The following MYO10 variants were observed in gnomAD, a reference collection of about 807,000 sequenced individuals.
The protein encoded by MYO10 is myosin X, also known as unconventional myosin-X.
MYO10 carries 133 observed loss-of-function variants against 257.3 expected under a neutral mutation model. The observed-to-expected ratio is 0.52, with a 90% CI of 0.45 to 0.60. MYO10 has a LOEUF of 0.60. Among genes scored for constraint, MYO10 ranks in the 20% least tolerant of loss-of-function variants. The pLI is 0.00. For synonymous variants in MYO10, 1,104 were observed against 1,028.6 expected (o/e 1.07, Z -1.40); for missense variants, 2,399 against 2,635.7 (o/e 0.91, Z 1.97).
At chr5:16,879,428 A>G (rs1744697724) in intron 1 of MYO10, among the ~76,000 whole-genome samples, 1 of 152,234 alleles carries the variant, frequency 6.6e-6, no homozygotes, top group African/African-American at 2.4e-5. Flanking sequence ...GTGCCAATCA[A>G]TAGCAAACAT....
intron 30 of MYO10, among the ~76,000 whole-genome samples, chr5:16,683,098 G>A (rs1313271407): frequency 6.6e-6 from 1 of 152,156 alleles, no homozygotes; most frequent in Non-Finnish European, 1.5e-5. Context: ...GTTCAGAAGG[G>A]CTCTTGTCAA....
intron 19 of MYO10, chr5:16,741,796 A>T (rs1560959678): frequency 9.1e-6 from 9 of 985,222 alleles, no homozygotes; most frequent in Non-Finnish European, 9.6e-6. Flanking sequence ...AAAGAGAAAA[A>T]TCCCTACCTT....
intron 19 of MYO10, among the ~76,000 whole-genome samples, chr5:16,713,846 G>A (rs986454319): frequency 2.6e-5 from 4 of 152,140 alleles, no homozygotes; most frequent in African/African-American, 7.2e-5. Context: ...CTGCTACTGC[G>A]CTGCCTCCAC....
chr5:16,729,474 C>T (rs191594982), intron 19 of MYO10, among the ~76,000 whole-genome samples: 2 of 145,296 alleles, frequency 1.4e-5, no homozygotes, highest in Non-Finnish European at 3.0e-5. Flanking sequence ...TTTTTTGAGA[C>T]GGAGTCTCAC....
intron 2 of MYO10, among the ~76,000 whole-genome samples, chr5:16,843,686 T>C (rs1743550192): frequency 6.6e-6 from 1 of 152,220 alleles, no homozygotes; most frequent in Non-Finnish European, 1.5e-5. Flanking sequence ...AATGAAACAG[T>C]ATTTTTAAAT....
chr5:16,717,727 T>C (rs1480127480), intron 19 of MYO10, among the ~76,000 whole-genome samples: 1 of 77,538 alleles, frequency 1.3e-5, no homozygotes, highest in African/African-American at 4.7e-5. Context: ...AATTCAACTG[T>C]TCTTTGACCC....
chr5:16,702,237 G>GAA (rs1738113415), intron 24 of MYO10, among the ~76,000 whole-genome samples: 1 of 152,228 alleles, frequency 6.6e-6, no homozygotes, highest in African/African-American at 2.4e-5. Context: ...AGAGCTGGGA[G>GAA]AAAATCAGTT....
intron 19 of MYO10, among the ~76,000 whole-genome samples, chr5:16,731,944 G>A (rs967042167): frequency 5.9e-5 from 9 of 152,216 alleles, no homozygotes; most frequent in African/African-American, 1.9e-4. Context: ...AAGGCTGAGT[G>A]ATAAACCAAG....
chr5:16,893,196 C>CAAACAAAAAAAA (rs538239809), intron 1 of MYO10, among the ~76,000 whole-genome samples: 1 of 69,572 alleles, frequency 1.4e-5, no homozygotes. Context: ...GACTCTGTCT[C>CAAACAAAAAAAA]AAAAAAAAAA....
chr5:16,903,233 T>C (rs1367839715), intron 1 of MYO10, among the ~76,000 whole-genome samples: 1 of 152,190 alleles, frequency 6.6e-6, no homozygotes, highest in Non-Finnish European at 1.5e-5. Flanking sequence ...GGTGAAACCC[T>C]GTCTCTACTA....
chr5:16,676,466 C>T (rs1736727570), intron 33 of MYO10, among the ~76,000 whole-genome samples: 1 of 152,154 alleles, frequency 6.6e-6, no homozygotes, highest in African/African-American at 2.4e-5. Context: ...CCTGTAATCC[C>T]CGCATTTTGG....
chr5:16,796,995 A>AACC (rs1741992101), intron 3 of MYO10, among the ~76,000 whole-genome samples: 1 of 151,856 alleles, frequency 6.6e-6, no homozygotes, highest in Non-Finnish European at 1.5e-5. Flanking sequence ...AACAAAAAAC[A>AACC]AGAAAACTAG....
At chr5:16,756,918 T>A (rs1298072349) in intron 18 of MYO10, among the ~76,000 whole-genome samples, 2 of 151,832 alleles carry the variant, frequency 1.3e-5, no homozygotes, top group African/African-American at 2.4e-5. Context: ...CTGGGCAACA[T>A]AATAAGACCC....
chr5:16,800,135 C>T (rs974415990), intron 3 of MYO10, among the ~76,000 whole-genome samples: 12 of 152,184 alleles, frequency 7.9e-5, no homozygotes, highest in Non-Finnish European at 1.8e-4. Context: ...GGTGGTTGCA[C>T]ACTTTTCCTA....
intron 3 of MYO10, among the ~76,000 whole-genome samples, chr5:16,799,070 T>C (rs1203623922): frequency 6.6e-6 from 1 of 152,230 alleles, no homozygotes; most frequent in African/African-American, 2.4e-5. Flanking sequence ...AGATGAGCCT[T>C]TCTTTCTTAA....
chr5:16,767,521 A>G (rs1479715852), intron 10 of MYO10, among the ~76,000 whole-genome samples: 1 of 152,154 alleles, frequency 6.6e-6, no homozygotes, highest in African/African-American at 2.4e-5. Flanking sequence ...TTGCAAAAAG[A>G]TAAGACAATG....
chr5:16,701,697 G>C lies in MYO10; in HGVS notation c.2698C>G (p.Leu900Val), dbSNP rs375118052. ...TCCTGCTGCTCCTTCATGCGCTGCA[G>C]GTCCTCGATTTCTTTCTCCAGACGG... ...ILRLEKEIEDLQRMKEQQELS... is the reference protein window; with the variant it reads ...ILRLEKEIEDVQRMKEQQELS... Residue 900 changes from leucine to valine, a missense_variant, in exon 25 of 41, where the codon CTG (leucine) becomes GTG (valine). By Grantham distance (32) the Leu-to-Val change is conservative. Transcript: ENST00000513610. This position sits in a 1 kb window ranked among gnomAD's most constrained non-coding sequence, Gnocchi z 8.1. 1 of 1,614,004 alleles carries C rather than the reference G, an allele frequency of 6.2e-7. No individual in the cohort carries two copies. The highest frequency in any genetic ancestry group is 1.3e-5 in the African/African-American group (1 of 75,058).
intron 26 of MYO10, among the ~76,000 whole-genome samples, 195 bp from the exon 27 acceptor site, chr5:16,694,809 A>G (rs1280699672): frequency 2.0e-5 from 3 of 152,212 alleles, no homozygotes; most frequent in Non-Finnish European, 4.4e-5. Context: ...CACACCAGCC[A>G]GGCTGGATTA....
chr5:16,719,137 C>T (rs890236914), intron 19 of MYO10, among the ~76,000 whole-genome samples: 6 of 151,742 alleles, frequency 4.0e-5, no homozygotes, highest in Non-Finnish European at 5.9e-5. Context: ...ACACTCACCA[C>T]GAAGATCTGC....
Sources: gnomAD v4.1 joint callset for allele counts (sites outside exome capture counted in the v4.1 genomes callset) on GRCh38, gnomAD v4.1.1 for gene constraint, Gnocchi (gnomAD v3.1) non-coding constraint, MANE v1.5 for transcripts, NCBI Gene and HGNC (gene_info 2026-07-23, HGNC 2026-07-21) for gene names.